UNC5C: variants seen among roughly 807,000 people sequenced by gnomAD.
The protein encoded by UNC5C is unc-5 netrin receptor C.
A neutral mutation model predicts 99.8 loss-of-function variants in UNC5C; 47 were observed. That is an observed-to-expected ratio of 0.47 (90% CI 0.37 to 0.60). UNC5C has a LOEUF of 0.60. Among genes scored for constraint, UNC5C ranks in the 20% least tolerant of loss-of-function variants. The probability of loss-of-function intolerance (pLI) is 0.00; values close to 1 mark genes in which losing one functional copy is unlikely to be tolerated. For synonymous variants in UNC5C, 487 were observed against 452.2 expected, an observed-to-expected ratio of 1.08 and a Z score of -0.98; for missense variants, 1,062 against 1,165.9, an observed-to-expected ratio of 0.91 and a Z score of 1.30.
At chr4:95,200,404 T>C (rs1055202603) in intron 12 of UNC5C, among the ~76,000 whole-genome samples, 1 of 152,178 alleles carries the variant, frequency 6.6e-6, no homozygotes, top group Non-Finnish European at 1.5e-5. Flanking sequence ...TCAAGCAACT[T>C]TGCTTAGGGG....
At chr4:95,531,696 T>A (rs528739070) in intron 1 of UNC5C, among the ~76,000 whole-genome samples, 1 of 152,222 alleles carries the variant, frequency 6.6e-6, no homozygotes, top group Non-Finnish European at 1.5e-5. Flanking sequence ...AAACACTGGG[T>A]TTAATATGTA....
chr4:95,328,312 G>A (rs1365108083), intron 2 of UNC5C, among the ~76,000 whole-genome samples: 4 of 91,730 alleles, frequency 4.4e-5, no homozygotes, highest in African/African-American at 1.3e-4. Context: ...GAGAATATGC[G>A]GTGTTTGGTT....
At chr4:95,277,339 C>G (rs1015898229) in intron 4 of UNC5C, among the ~76,000 whole-genome samples, 1 of 152,158 alleles carries the variant, frequency 6.6e-6, no homozygotes, top group African/African-American at 2.4e-5. Context: ...GGACCACCAC[C>G]AAACTGGCAG....
intron 1 of UNC5C, among the ~76,000 whole-genome samples, chr4:95,482,361 A>T (rs1721184138): frequency 6.6e-6 from 1 of 152,060 alleles, no homozygotes; most frequent in Admixed American, 6.6e-5. Context: ...AGGAAACAAC[A>T]GGTGCTGGAG....
intron 1 of UNC5C, among the ~76,000 whole-genome samples, chr4:95,543,694 G>C (rs541471228): frequency 6.6e-6 from 1 of 152,304 alleles, no homozygotes; most frequent in East Asian, 1.9e-4. Context: ...CTGTAATAGT[G>C]TTCATGGATT....
intron 4 of UNC5C, among the ~76,000 whole-genome samples, chr4:95,261,762 G>T (rs1289771586): frequency 6.6e-6 from 1 of 150,628 alleles, no homozygotes; most frequent in Non-Finnish European, 1.5e-5. Flanking sequence ...GGAGTGCGGT[G>T]GCGCGATCTC....
At chr4:95,531,825 G>A (rs1165555166) in intron 1 of UNC5C, among the ~76,000 whole-genome samples, 6 of 152,146 alleles carry the variant, frequency 3.9e-5, no homozygotes, top group Non-Finnish European at 8.8e-5. Context: ...TGACTTTATA[G>A]TGGAGAAAAA....
chr4:95,265,028 C>T (rs1228677009), intron 4 of UNC5C, among the ~76,000 whole-genome samples: 1 of 152,162 alleles, frequency 6.6e-6, no homozygotes. Flanking sequence ...AGCGCTTAAG[C>T]CATCCTGATG....
At chr4:95,250,029 G>A (rs1300300027) in intron 5 of UNC5C, among the ~76,000 whole-genome samples, 1 of 152,120 alleles carries the variant, frequency 6.6e-6, no homozygotes, top group Non-Finnish European at 1.5e-5. Flanking sequence ...CTAGATCTTG[G>A]TGGTGCAGGT....
intron 14 of UNC5C, among the ~76,000 whole-genome samples, chr4:95,175,205 A>C (rs1340038883): frequency 0.043 from 6,497 of 150,194 alleles, 453 homozygotes; most frequent in African/African-American, 0.15. Flanking sequence ...CCAATTTGCC[A>C]GTCTGTGTCT....
chr4:95,245,156 CA>C lies in UNC5C; in HGVS notation c.776-13del, dbSNP rs774124727. 3.7e-6 allele frequency: 6 copies of C among 1,607,798 alleles called. No homozygotes were observed. The African/African-American group carries it at 8.0e-5, about 22-fold the overall frequency. On this transcript the variant is annotated splice_polypyrimidine_tract_variant and intron_variant, in intron 5 of 15. Transcript: ENST00000453304. The stretch of plus-strand genomic sequence containing the variant: ...CCAGCCACCGTTGACTGAAAGGAGG[CA>C]AACAGTAAAAAGTGGATTAAACATG...
chr4:95,171,912 CTTT>C (rs1417520783), intron 14 of UNC5C, among the ~76,000 whole-genome samples: 2 of 151,828 alleles, frequency 1.3e-5, no homozygotes, highest in African/African-American at 4.9e-5. Context: ...CGTTTCCTGA[CTTT>C]TTAATGATTG....
At chr4:95,218,503 G>GT (rs1738342362) in intron 9 of UNC5C, among the ~76,000 whole-genome samples, 1 of 152,132 alleles carries the variant, frequency 6.6e-6, no homozygotes, top group African/African-American at 2.4e-5. Flanking sequence ...ATCAAGTTAG[G>GT]TTAATAAATG....
At chr4:95,276,670 T>C (rs904423418) in intron 4 of UNC5C, among the ~76,000 whole-genome samples, 3 of 152,174 alleles carry the variant, frequency 2.0e-5, no homozygotes, top group Admixed American at 6.5e-5. Context: ...ACTATTGTCA[T>C]TATCAAAATG....
Position 95,196,735 on chromosome 4 carries a change from T to TTATATTTATGTAATATATAATATATA in UNC5C, c.2136+5970_2136+5995dup, listed in dbSNP as rs1371226100. ...ATATAAATAAATGTACAAATATATA[T>TTATATTTATGTAATATATAATATATA]TATATTTATGTAATATATAATATAT... On this transcript the variant is annotated intron_variant, in intron 12 of 15. Transcript: ENST00000453304. 2.4e-5 allele frequency among the ~76,000 whole-genome samples: 2 copies of TTATATTTATGTAATATATAATATATA among 84,200 alleles called. 1 individual carries two copies. Among genetic ancestry groups the TTATATTTATGTAATATATAATATATA allele is most frequent in the African/African-American group, 1.0e-4 (2 of 19,544 alleles). 55.2% of individuals were successfully genotyped at this position (84,200 alleles called of 152,430 possible).
At position 95,229,797 on chromosome 4, in the gene UNC5C, C is replaced by CTTTTTTTT. The variant is rs71583694; in HGVS notation, c.1109-9629_1109-9622dup. 1.9e-4 allele frequency among the ~76,000 whole-genome samples: 15 copies of CTTTTTTTT among 79,554 alleles called. 2 individuals are homozygous for CTTTTTTTT. Among genetic ancestry groups the CTTTTTTTT allele is most frequent in the African/African-American group, 5.6e-4 (9 of 15,994 alleles). The allele number at this position is 79,554 out of a possible 152,430, so 52.2% of individuals were successfully genotyped here. ...TATCCTCCCCAGAATCTGTTGTTTC[C>CTTTTTTTT]TTTTTTTTTTTTTTTTTTTTTTTTT... On this transcript the variant is annotated intron_variant, in intron 7 of 15. Transcript: ENST00000453304.
intron 1 of UNC5C, among the ~76,000 whole-genome samples, chr4:95,406,110 A>C (rs1263282752): frequency 6.6e-6 from 1 of 152,202 alleles, no homozygotes; most frequent in East Asian, 1.9e-4. Context: ...CACTGCTTTA[A>C]TGTCACGAGG....
At chr4:95,387,398 C>T (rs1056272060) in intron 1 of UNC5C, among the ~76,000 whole-genome samples, 1 of 152,162 alleles carries the variant, frequency 6.6e-6, no homozygotes, top group Non-Finnish European at 1.5e-5. Flanking sequence ...CCTAGGCCTC[C>T]CAAAGTGCTG....
intron 1 of UNC5C, among the ~76,000 whole-genome samples, chr4:95,545,185 A>C (rs1002191548): frequency 4.6e-5 from 7 of 152,202 alleles, no homozygotes; most frequent in South Asian, 2.1e-4. Context: ...ACCCTGTCTT[A>C]TTTAACTCTT....
Sources: gnomAD v4.1 joint callset for allele counts (sites outside exome capture counted in the v4.1 genomes callset) on GRCh38, gnomAD v4.1.1 for gene constraint, MANE v1.5 for transcripts, NCBI Gene and HGNC (gene_info 2026-07-23, HGNC 2026-07-21) for gene names.